PRKG1: variants seen among roughly 807,000 people sequenced by gnomAD.
PRKG1 encodes the protein protein kinase cGMP-dependent 1, also known as cGMP-dependent protein kinase 1.
Under a neutral mutation model 88.1 loss-of-function variants are expected in PRKG1, and 35 were observed. The observed-to-expected ratio is 0.40, with a 90% CI of 0.30 to 0.53. The LOEUF is 0.53. Among genes scored for constraint, PRKG1 ranks in the 20% least tolerant of loss-of-function variants. The pLI is 0.59. For synonymous variants in PRKG1, 303 were observed against 292.5 expected (o/e 1.04, Z -0.37); for missense variants, 540 against 839.8 (o/e 0.64, Z 4.41).
At chr10:51,262,028 A>G (rs1839722139) in intron 2 of PRKG1, among the ~76,000 whole-genome samples, 1 of 150,922 alleles carries the variant, frequency 6.6e-6, no homozygotes, top group Non-Finnish European at 1.5e-5. Flanking sequence ...CTGGGACTAC[A>G]GGCGCCCGCC....
At chr10:51,021,837 C>T (rs1312942076) in intron 1 of PRKG1, among the ~76,000 whole-genome samples, 2 of 152,028 alleles carry the variant, frequency 1.3e-5, no homozygotes, top group Admixed American at 1.3e-4. Context: ...CCTGCCACCA[C>T]ACCTGGCTAA....
chr10:51,537,455 A>G (rs902866980), intron 3 of PRKG1, among the ~76,000 whole-genome samples: 3 of 152,100 alleles, frequency 2.0e-5, no homozygotes, highest in Non-Finnish European at 2.9e-5. Context: ...CAGAGAGGCC[A>G]GGCGTGGTGG....
At chr10:51,207,135 G>C (rs1311857415) in intron 2 of PRKG1, among the ~76,000 whole-genome samples, 1 of 152,132 alleles carries the variant, frequency 6.6e-6, no homozygotes, top group Non-Finnish European at 1.5e-5. Flanking sequence ...TGACAAGTCA[G>C]GCTGGGAATT....
chr10:51,548,343 A>C (rs1842492642), intron 3 of PRKG1, among the ~76,000 whole-genome samples: 1 of 152,074 alleles, frequency 6.6e-6, no homozygotes, highest in Non-Finnish European at 1.5e-5. Flanking sequence ...TTTATTTCTA[A>C]GTCCTTATAT....
At chr10:51,146,130 A>G (rs553323260) in intron 1 of PRKG1, among the ~76,000 whole-genome samples, 8 of 152,138 alleles carry the variant, frequency 5.3e-5, no homozygotes, top group African/African-American at 1.7e-4. Context: ...CGGAGCTTGC[A>G]GTGAGTCCAG....
intron 3 of PRKG1, among the ~76,000 whole-genome samples, chr10:51,483,922 T>C (rs1315716043): frequency 6.6e-6 from 1 of 152,226 alleles, no homozygotes; most frequent in Non-Finnish European, 1.5e-5. Flanking sequence ...GACAGTTAGC[T>C]AATTTAGAAA....
intron 2 of PRKG1, among the ~76,000 whole-genome samples, chr10:51,461,720 G>A (rs1386773651): frequency 1.3e-5 from 2 of 152,148 alleles, no homozygotes; most frequent in South Asian, 2.1e-4. Context: ...ATCTCACAGT[G>A]GGGTCATCCT....
At chr10:51,483,512 C>T (rs1449788037) in intron 3 of PRKG1, among the ~76,000 whole-genome samples, 2 of 152,120 alleles carry the variant, frequency 1.3e-5, no homozygotes, top group African/African-American at 2.4e-5. Context: ...GTGGAAATTT[C>T]TTCACTAATT....
intron 5 of PRKG1, among the ~76,000 whole-genome samples, chr10:51,940,170 C>T (rs1269631037): frequency 6.6e-6 from 1 of 151,840 alleles, no homozygotes; most frequent in African/African-American, 2.4e-5. Context: ...CAAATATCCC[C>T]TGCTTTTTTT....
At chr10:51,370,502 G>A (rs1428269166) in intron 2 of PRKG1, among the ~76,000 whole-genome samples, 1 of 124,034 alleles carries the variant, frequency 8.1e-6, no homozygotes, top group Non-Finnish European at 1.7e-5. Context: ...GAGAGTGTGT[G>A]TGTGTGTGTA....
intron 3 of PRKG1, among the ~76,000 whole-genome samples, chr10:51,509,095 G>T (rs1218561037): frequency 1.3e-5 from 2 of 152,104 alleles, no homozygotes; most frequent in Non-Finnish European, 2.9e-5. Context: ...TAATGTTACA[G>T]CTGGTGACTC....
At chr10:51,789,000 C>T (rs1025356537) in intron 3 of PRKG1, among the ~76,000 whole-genome samples, 1 of 152,126 alleles carries the variant, frequency 6.6e-6, no homozygotes, top group African/African-American at 2.4e-5. Flanking sequence ...TGGGAGAATA[C>T]ATTTTAATAA....
At chr10:51,806,604 G>A (rs1470149993) in intron 4 of PRKG1, among the ~76,000 whole-genome samples, 2 of 152,140 alleles carry the variant, frequency 1.3e-5, no homozygotes, top group Non-Finnish European at 2.9e-5. Context: ...ATAGGACTGG[G>A]CCGGGAGTCC....
intron 8 of PRKG1, among the ~76,000 whole-genome samples, chr10:52,159,178 A>G (rs970668466): frequency 9.9e-5 from 15 of 151,690 alleles, no homozygotes; most frequent in South Asian, 4.1e-4. Context: ...AAAATCAATT[A>G]CATTTCAAAT....
chr10:52,214,737 C>T (rs964577839), intron 9 of PRKG1, among the ~76,000 whole-genome samples: 3 of 152,104 alleles, frequency 2.0e-5, no homozygotes, highest in East Asian at 3.9e-4. Context: ...TCCATTAATG[C>T]CCCCCAAAGG....
chr10:51,884,511 A>T (rs1313037480), intron 4 of PRKG1, among the ~76,000 whole-genome samples: 1 of 149,942 alleles, frequency 6.7e-6, no homozygotes, highest in Non-Finnish European at 1.5e-5. Flanking sequence ...ATATACTGCC[A>T]CAGAGGTTGT....
intron 9 of PRKG1, chr10:52,185,115 C>T (rs1839156464): frequency 6.6e-6 from 1 of 152,210 alleles, no homozygotes; most frequent in African/African-American, 2.4e-5. Flanking sequence ...AGTGTCAAGT[C>T]CAAAGTCTTA....
intron 5 of PRKG1, among the ~76,000 whole-genome samples, chr10:52,036,882 C>G (rs1252128575): frequency 6.6e-6 from 1 of 152,092 alleles, no homozygotes; most frequent in East Asian, 1.9e-4. Context: ...GCAAGGGAAA[C>G]AGGCCCTTGA....
intron 4 of PRKG1, among the ~76,000 whole-genome samples, chr10:51,873,024 T>C (rs1380723451): frequency 6.6e-6 from 1 of 152,138 alleles, no homozygotes; most frequent in Admixed American, 6.5e-5. Context: ...ACCATTTGTT[T>C]TAGGAAGATG....
Sources: allele counts gnomAD v4.1 joint callset (sites outside exome capture counted in the v4.1 genomes callset), GRCh38; gene constraint gnomAD v4.1.1; transcripts MANE v1.5; gene names NCBI Gene and HGNC (gene_info 2026-07-23, HGNC 2026-07-21).